The following DYNC1LI1 variants were observed in gnomAD, a reference collection of about 807,000 sequenced individuals.
DYNC1LI1 encodes cytoplasmic dynein 1 light intermediate chain 1.
DYNC1LI1 carries 19 observed loss-of-function variants against 63.8 expected under a neutral mutation model. That is an observed-to-expected ratio of 0.30 (90% CI 0.21 to 0.44). The LOEUF (loss-of-function observed/expected upper bound fraction) is 0.44, where lower values mean the gene tolerates loss of function less well. Among genes scored for constraint, DYNC1LI1 ranks in the 20% least tolerant of loss-of-function variants. DYNC1LI1 has a pLI of 1.00. For missense variants in DYNC1LI1, 565 were observed against 630.2 expected (o/e 0.90, Z 1.11); for synonymous variants, 225 against 232.3 (o/e 0.97, Z 0.28).
intron 2 of DYNC1LI1, among the ~76,000 whole-genome samples, chr3:32,555,334 T>C (rs561166711): frequency 6.6e-6 from 1 of 152,340 alleles, no homozygotes; most frequent in South Asian, 2.1e-4. Flanking sequence ...TGTGTCTTGA[T>C]GGCAAATGCA....
At chr3:32,560,065 G>C (rs908848135) in intron 2 of DYNC1LI1, among the ~76,000 whole-genome samples, 10 of 152,198 alleles carry the variant, frequency 6.6e-5, no homozygotes, top group Non-Finnish European at 1.3e-4. Flanking sequence ...AAAAATTTAT[G>C]CATGCCTATT....
At position 32,526,033 on chromosome 3, in the gene DYNC1LI1, AC is replaced by A. The variant is rs1356676921; in HGVS notation, c.*765del. ...AACTGATTACAGTTGAAAGTCACAA[AC>A]AAAAAAGGGGGTATATTAAGGCAAA... On this transcript the variant is annotated 3_prime_UTR_variant, in exon 13 of 13. Transcript: ENST00000273130. 1 of 152,456 alleles carries A rather than the reference AC, an allele frequency of 6.6e-6. No individual in the cohort carries two copies. The highest frequency in any genetic ancestry group is 1.5e-5 in the Non-Finnish European group (1 of 68,022). 9.4% of individuals were successfully genotyped at this position (152,456 alleles called of 1,614,324 possible).
Position 32,529,674 on chromosome 3 carries a change from G to T in DYNC1LI1, c.1186-14C>A. Reference sequence around the variant, plus strand: ...TGGTGAGGCATCCTATGTAAAAATAGGAAAATACAATTATAAAAACCTGAA... The same window carrying T: ...TGGTGAGGCATCCTATGTAAAAATATGAAAATACAATTATAAAAACCTGAA... On this transcript the variant is annotated splice_polypyrimidine_tract_variant and intron_variant, in intron 10 of 12. Transcript: ENST00000273130. The T allele has an allele frequency of 6.4e-7, 1 of 1,561,536 alleles. No homozygotes were observed. Among genetic ancestry groups the T allele is most frequent in the Non-Finnish European group, 8.6e-7 (1 of 1,156,980 alleles).
chr3:32,528,998 T>A (rs1031775439), intron 11 of DYNC1LI1, among the ~76,000 whole-genome samples: 2 of 152,040 alleles, frequency 1.3e-5, no homozygotes, highest in Non-Finnish European at 2.9e-5. Flanking sequence ...ATGATAGCAA[T>A]AAACAATTCA....
intron 6 of DYNC1LI1, among the ~76,000 whole-genome samples, chr3:32,535,143 A>G (rs887120699): frequency 3.3e-5 from 5 of 152,222 alleles, no homozygotes; most frequent in Admixed American, 6.5e-5. Flanking sequence ...AAGAAACCCA[A>G]TGTTGAAAGG....
At chr3:32,550,709 AAC>A (rs1342885766) in intron 2 of DYNC1LI1, among the ~76,000 whole-genome samples, 2 of 152,236 alleles carry the variant, frequency 1.3e-5, no homozygotes, top group Admixed American at 6.5e-5. Flanking sequence ...AGTTTGTTAA[AAC>A]ACAGATTACT....
intron 2 of DYNC1LI1, among the ~76,000 whole-genome samples, chr3:32,553,793 T>C (rs940227132): frequency 1.3e-5 from 2 of 152,218 alleles, no homozygotes; most frequent in African/African-American, 4.8e-5. Flanking sequence ...GTTAAGTACC[T>C]TATCCAAGTT....
rs142776718 is a variant in DYNC1LI1 at position 32,562,961 on chromosome 3, T to C, written c.220+7385A>G. On this transcript the variant is annotated intron_variant, in intron 2 of 12. Coordinates refer to ENST00000273130, the MANE Select transcript of DYNC1LI1 (RefSeq NM_016141.4). ...ACAGGTTGTTCTCCCCTCACCCTTC[T>C]TAGCAAAATTGTACTCAGATACCAC... Among the ~76,000 whole-genome samples the C allele has an allele frequency of 2.5e-3, 373 of 152,214 alleles. 3 individuals carry two copies. The highest frequency in any genetic ancestry group is 8.6e-3 in the African/African-American group (358 of 41,542).
chr3:32,568,131 T>C (rs982544161), intron 2 of DYNC1LI1, among the ~76,000 whole-genome samples: 2 of 152,138 alleles, frequency 1.3e-5, no homozygotes, highest in African/African-American at 4.8e-5. Flanking sequence ...CCACTGTGCC[T>C]GGCCTTAGAT....
chr3:32,538,024 TTA>T lies in DYNC1LI1; in HGVS notation c.739-922_739-921del, dbSNP rs1223712218. Among the ~76,000 whole-genome samples the T allele has an allele frequency of 4.3e-3, 56 of 13,004 alleles. 4 individuals carry two copies. The highest frequency in any genetic ancestry group is 0.031 in the South Asian group (11 of 356). 8.5% of individuals were successfully genotyped at this position (13,004 alleles called of 152,430 possible). A position where few individuals can be genotyped will look rare whatever the true frequency, so the allele number is the denominator to read the frequency against. ...TATATATATAATATATATATATAAT[TTA>T]TATATATAATATATATATATAATTA... On this transcript the variant is annotated intron_variant, in intron 5 of 12. Coordinates refer to ENST00000273130, the MANE Select transcript of DYNC1LI1 (RefSeq NM_016141.4).
intron 2 of DYNC1LI1, among the ~76,000 whole-genome samples, chr3:32,568,710 A>G (rs1038375827): frequency 1.2e-4 from 18 of 152,192 alleles, no homozygotes; most frequent in African/African-American, 4.1e-4. Flanking sequence ...CATCTACACA[A>G]TATCTAATGT....
At chr3:32,538,177 G>A (rs1697826541) in intron 5 of DYNC1LI1, among the ~76,000 whole-genome samples, 1 of 134,380 alleles carries the variant, frequency 7.4e-6, no homozygotes, top group South Asian at 2.2e-4. Context: ...TGAGGCAGGA[G>A]GATTGAGCCT....
At chr3:32,527,238 A>C (rs1242892291) in intron 12 of DYNC1LI1, among the ~76,000 whole-genome samples, 1 of 152,140 alleles carries the variant, frequency 6.6e-6, no homozygotes, top group African/African-American at 2.4e-5. Flanking sequence ...TGGAGGTTGC[A>C]GTGAGCTGAG....
chr3:32,553,038 C>T (rs1354924170), intron 2 of DYNC1LI1, among the ~76,000 whole-genome samples: 1 of 152,216 alleles, frequency 6.6e-6, no homozygotes, highest in Non-Finnish European at 1.5e-5. Context: ...GCCACTGACA[C>T]ATCTTGTCTC....
chr3:32,550,564 A>AT (rs1559440825), intron 2 of DYNC1LI1, among the ~76,000 whole-genome samples: 1 of 152,196 alleles, frequency 6.6e-6, no homozygotes. Flanking sequence ...TCCACTTATC[A>AT]TAAGATCAGA....
Position 32,537,091 on chromosome 3 carries a change from C to G in DYNC1LI1, c.752G>C (p.Ser251Thr), listed in dbSNP as rs1391589786. 1 of 1,559,306 alleles carries G rather than the reference C, an allele frequency of 6.4e-7. No individual in the cohort carries two copies. Among genetic ancestry groups the G allele is most frequent in the African/African-American group, 1.4e-5 (1 of 72,906 alleles). ...GTAGTCATGTTCTTTCTCCAATACA[C>G]TAATGGCATCACACTGTTAAGTTAA... is the stretch of plus-strand genomic sequence containing the variant. ...LVVCTKCDAI[S>T]VLEKEHDYRD... Residue 251 changes from serine (S) to threonine (T), a missense_variant, in exon 6 of 13, where the codon AGT becomes ACT. Transcript: ENST00000273130.
intron 2 of DYNC1LI1, among the ~76,000 whole-genome samples, chr3:32,553,764 G>A (rs1239751642): frequency 6.6e-6 from 1 of 152,220 alleles, no homozygotes; most frequent in Non-Finnish European, 1.5e-5. Flanking sequence ...CCATTTGGCA[G>A]GTAGGATGCT....
intron 2 of DYNC1LI1, among the ~76,000 whole-genome samples, chr3:32,561,969 CAT>C (rs1370892348): frequency 5.3e-5 from 8 of 151,926 alleles, no homozygotes; most frequent in African/African-American, 1.7e-4. Flanking sequence ...AAAATATTCA[CAT>C]AGAGAAAATG....
chr3:32,527,275 C>T (rs1168027280), intron 12 of DYNC1LI1, among the ~76,000 whole-genome samples: 1 of 152,074 alleles, frequency 6.6e-6, no homozygotes, highest in Non-Finnish European at 1.5e-5. Flanking sequence ...CCAACCTAGA[C>T]AACAGAGTGA....
Sources: gnomAD v4.1 joint callset for allele counts (sites outside exome capture counted in the v4.1 genomes callset) on GRCh38, gnomAD v4.1.1 for gene constraint, MANE v1.5 for transcripts, NCBI Gene and HGNC (gene_info 2026-07-23, HGNC 2026-07-21) for gene names.